CCDC146: variants seen among roughly 807,000 people sequenced by gnomAD.
The protein encoded by CCDC146 is coiled-coil domain-containing protein 146.
CCDC146 carries 92 observed loss-of-function variants against 119.3 expected under a neutral mutation model. The observed-to-expected ratio is 0.77, with a 90% CI of 0.65 to 0.92. The LOEUF (loss-of-function observed/expected upper bound fraction) is 0.92. Among genes scored for constraint, CCDC146 ranks in the 40% least tolerant of loss-of-function variants. The probability of loss-of-function intolerance (pLI) is 0.00; values close to 1 mark genes in which losing one functional copy is unlikely to be tolerated. For missense variants in CCDC146, 1,000 were observed against 1,103.0 expected (o/e 0.91, Z 1.32); for synonymous variants, 372 against 371.8 (o/e 1.00, Z -0.01).
At chr7:77,152,667 T>C (rs1373691414) in intron 1 of CCDC146, among the ~76,000 whole-genome samples, 1 of 152,182 alleles carries the variant, frequency 6.6e-6, no homozygotes, top group Non-Finnish European at 1.5e-5. Context: ...GATAAGGTCT[T>C]TTAAGGCTCT....
At chr7:77,224,271 T>G (rs1443418977) in intron 2 of CCDC146, among the ~76,000 whole-genome samples, 3 of 152,218 alleles carry the variant, frequency 2.0e-5, no homozygotes, top group African/African-American at 7.2e-5. Context: ...ATTTAGTTGC[T>G]TGCCTTTTCC....
chr7:77,279,165 A>G, intron 13 of CCDC146, 64 bp downstream of exon 13: 6 of 1,548,316 alleles, frequency 3.9e-6, no homozygotes, highest in Non-Finnish European at 5.2e-6. Context: ...GAACTCTAAA[A>G]ATCCTGGGGA....
chr7:77,145,650 T>C (rs1791006001), intron 1 of CCDC146, among the ~76,000 whole-genome samples: 1 of 152,192 alleles, frequency 6.6e-6, no homozygotes. Flanking sequence ...AGAACATCTT[T>C]ATTTCTGCCT....
chr7:77,126,788 G>C (rs1453518436), intron 1 of CCDC146, among the ~76,000 whole-genome samples: 1 of 152,116 alleles, frequency 6.6e-6, no homozygotes, highest in Non-Finnish European at 1.5e-5. Context: ...AGGGGAGGAA[G>C]TGCATGCTGA....
intron 1 of CCDC146, among the ~76,000 whole-genome samples, chr7:77,146,119 A>T (rs1047386776): frequency 6.6e-6 from 1 of 151,896 alleles, no homozygotes; most frequent in East Asian, 1.9e-4. Context: ...GGGTGCATAC[A>T]TATTTAAGTT....
intron 2 of CCDC146, among the ~76,000 whole-genome samples, chr7:77,221,202 C>T (rs1792397583): frequency 1.3e-5 from 2 of 152,148 alleles, no homozygotes; most frequent in Admixed American, 6.5e-5. Flanking sequence ...ACTCCACCTC[C>T]AACACTGGGT....
At chr7:77,255,217 A>G (rs1793155772) in intron 5 of CCDC146, 1 of 152,206 alleles carries the variant, frequency 6.6e-6, no homozygotes, top group South Asian at 2.1e-4. Context: ...ATTTTTGGTA[A>G]TACCCCATTG....
intron 2 of CCDC146, chr7:77,195,108 T>C (rs578018188): frequency 2.6e-5 from 4 of 152,140 alleles, no homozygotes; most frequent in Non-Finnish European, 5.9e-5. Flanking sequence ...GAGATAAAAT[T>C]GGCCTCAGAG....
intron 9 of CCDC146, among the ~76,000 whole-genome samples, chr7:77,263,486 A>AT (rs944330123): frequency 6.6e-6 from 1 of 152,200 alleles, no homozygotes; most frequent in African/African-American, 2.4e-5. Context: ...GAGGTCGTTT[A>AT]TTTCTGTAGC....
chr7:77,287,682 C>A, intron 17 of CCDC146, 105 bp downstream of exon 17: 2 of 1,219,512 alleles, frequency 1.6e-6, no homozygotes, highest in East Asian at 2.4e-5. Flanking sequence ...AGAGATTAGG[C>A]TTTATGACTA....
intron 1 of CCDC146, among the ~76,000 whole-genome samples, chr7:77,152,774 G>A (rs1340749287): frequency 9.9e-5 from 15 of 152,230 alleles, no homozygotes; most frequent in African/African-American, 3.1e-4. Flanking sequence ...TATTTGGTCC[G>A]GCTCCAGGAT....
chr7:77,259,568 T>C (rs1214311720), intron 7 of CCDC146, among the ~76,000 whole-genome samples: 1 of 152,122 alleles, frequency 6.6e-6, no homozygotes, highest in Admixed American at 6.6e-5. Context: ...TAAGTGAAGA[T>C]ACAAAAATTC....
chr7:77,173,854 A>C (rs1791463536), intron 2 of CCDC146, among the ~76,000 whole-genome samples: 1 of 152,158 alleles, frequency 6.6e-6, no homozygotes, highest in African/African-American at 2.4e-5. Flanking sequence ...TAAACCTCAC[A>C]AATATTAAGT....
rs371233544 is a variant in CCDC146, at chr7:77,176,202, C to T, written c.156+8378C>T. 1.9e-4 allele frequency among the ~76,000 whole-genome samples: 29 copies of T among 151,070 alleles called. 5 individuals carry two copies. In the East Asian group the frequency reaches 2.0e-3, roughly 10 times the overall value. ...AAATCCATTATCCTTCTCCGGAACC[C>T]AACTCTGCTCCTGGGTTCTGTCAGT... On this transcript the variant is annotated intron_variant, in intron 2 of 18. Transcript: ENST00000285871.
intron 17 of CCDC146, among the ~76,000 whole-genome samples, chr7:77,288,577 G>C (rs921374696): frequency 6.6e-6 from 1 of 152,224 alleles, no homozygotes; most frequent in Non-Finnish European, 1.5e-5. Context: ...GCCATCAGAG[G>C]ACTGGCCACT....
intron 2 of CCDC146, among the ~76,000 whole-genome samples, chr7:77,170,061 G>A (rs1791397177): frequency 6.6e-6 from 1 of 151,878 alleles, no homozygotes; most frequent in African/African-American, 2.4e-5. Context: ...TTTTGTACAT[G>A]GGCATATTGC....
At chr7:77,236,888 C>G in intron 2 of CCDC146, 59 bp from the exon 3 acceptor site, 1 of 1,237,984 alleles carries the variant, frequency 8.1e-7, no homozygotes, top group Non-Finnish European at 1.2e-6. Context: ...TCCATTCCAT[C>G]CCCTGCTTAA....
rs1554345533 is a variant in CCDC146, at chr7:77,134,557, G to GTGTC, written c.-12+11828_-12+11829insCTGT. 7.3e-3 allele frequency among the ~76,000 whole-genome samples: 798 copies of GTGTC among 109,330 alleles called. 27 individuals carry two copies. The East Asian group carries it at 0.12, about 17-fold the overall frequency. The allele number at this position is 109,330 out of a possible 152,430, so 71.7% of individuals were successfully genotyped here. A position where few individuals can be genotyped will look rare whatever the true frequency, so the allele number is the denominator to read the frequency against. On this transcript the variant is annotated intron_variant, in intron 1 of 18. Transcript: ENST00000285871. ...AAGGCCACTCTGTGTGTGTGTGTGT[G>GTGTC]TGTGTCTGTGTGTGTGTGTGTGTGT...
At chr7:77,199,937 G>A (rs981349628) in intron 2 of CCDC146, 2 of 917,274 alleles carry the variant, frequency 2.2e-6, no homozygotes, top group African/African-American at 3.3e-5. Flanking sequence ...ACAGGAAGAG[G>A]AGATAGCCCT....
Sources: allele counts gnomAD v4.1 joint callset (sites outside exome capture counted in the v4.1 genomes callset), GRCh38; gene constraint gnomAD v4.1.1; transcripts MANE v1.5; gene names NCBI Gene and HGNC (gene_info 2026-07-23, HGNC 2026-07-21).